Variants in NPAS3 observed in about 807,000 individuals in gnomAD.
The protein encoded by NPAS3 is neuronal PAS domain-containing protein 3.
A neutral mutation model predicts 73.1 loss-of-function variants in NPAS3; 14 were observed. The ratio of observed to expected loss-of-function variants is 0.19; its 90% CI spans 0.13 to 0.30. NPAS3 has a LOEUF of 0.30. Ranked by LOEUF, NPAS3 falls within the 10% of genes least tolerant of loss-of-function variation. The pLI, the probability that NPAS3 is intolerant of heterozygous loss-of-function variation, is 1.00. For synonymous variants in NPAS3, 620 were observed against 541.5 expected (o/e 1.14, Z -2.01); for missense variants, 1,096 against 1,250.0 (o/e 0.88, Z 1.86).
chr14:33,549,599 A>G (rs891607776), intron 4 of NPAS3, among the ~76,000 whole-genome samples: 3 of 152,284 alleles, frequency 2.0e-5, no homozygotes, highest in East Asian at 3.9e-4. Flanking sequence ...ATGTGAGTCT[A>G]TTATCTTTTG....
chr14:32,966,238 A>G (rs2037152842), intron 1 of NPAS3, among the ~76,000 whole-genome samples: 1 of 152,200 alleles, frequency 6.6e-6, no homozygotes. Flanking sequence ...GTCCCTGAAT[A>G]GCTAAAGAAT....
chr14:33,427,993 G>GT (rs1416422388), intron 4 of NPAS3, among the ~76,000 whole-genome samples: 3 of 152,214 alleles, frequency 2.0e-5, no homozygotes, highest in Admixed American at 1.3e-4. Context: ...CAGTTTGGGT[G>GT]TTTTGTTATA....
chr14:32,971,088 CTT>C (rs61429455), intron 1 of NPAS3, among the ~76,000 whole-genome samples: 8 of 142,104 alleles, frequency 5.6e-5, no homozygotes, highest in East Asian at 2.0e-4. Flanking sequence ...TTTCTTTTTT[CTT>C]TTTTTTTTTT....
intron 2 of NPAS3, among the ~76,000 whole-genome samples, chr14:33,120,234 C>G (rs992966748): frequency 6.6e-6 from 1 of 152,144 alleles, no homozygotes; most frequent in African/African-American, 2.4e-5. Context: ...GCTGGGATTA[C>G]AGGCATGAGC....
At chr14:33,521,734 A>G (rs753354054) in intron 4 of NPAS3, among the ~76,000 whole-genome samples, 2 of 152,088 alleles carry the variant, frequency 1.3e-5, no homozygotes, top group Non-Finnish European at 2.9e-5. Flanking sequence ...TTGTATTTCT[A>G]TAAGGGTATT....
At chr14:33,110,679 T>C (rs997381270) in intron 2 of NPAS3, among the ~76,000 whole-genome samples, 4 of 152,190 alleles carry the variant, frequency 2.6e-5, no homozygotes, top group African/African-American at 9.6e-5. Flanking sequence ...AACTTTTTAA[T>C]ACTATTCAGC....
intron 3 of NPAS3, among the ~76,000 whole-genome samples, chr14:33,255,821 G>T (rs1566729447): frequency 6.6e-6 from 1 of 152,120 alleles, no homozygotes; most frequent in Admixed American, 6.5e-5. Flanking sequence ...GAGGATTGAT[G>T]GTCGACCGAT....
chr14:33,019,954 T>C (rs2039535784), intron 1 of NPAS3, among the ~76,000 whole-genome samples: 1 of 152,238 alleles, frequency 6.6e-6, no homozygotes, highest in African/African-American at 2.4e-5. Context: ...TGAGTCTCTT[T>C]TCCATCCGAT....
chr14:33,255,828 C>T (rs192395743), intron 3 of NPAS3, among the ~76,000 whole-genome samples: 54 of 152,110 alleles, frequency 3.6e-4, no homozygotes, highest in African/African-American at 9.2e-4. Context: ...GATGGTCGAC[C>T]GATTAACACA....
chr14:33,725,480 C>T (rs757000824), intron 6 of NPAS3, among the ~76,000 whole-genome samples: 1 of 151,888 alleles, frequency 6.6e-6, no homozygotes, highest in Non-Finnish European at 1.5e-5. Context: ...TTAAATTTTC[C>T]TATTTATACT....
chr14:33,015,462 T>C (rs542286499), intron 1 of NPAS3, among the ~76,000 whole-genome samples: 1 of 152,330 alleles, frequency 6.6e-6, no homozygotes, highest in East Asian at 1.9e-4. Context: ...ATTAATACTG[T>C]CAGATATCTG....
intron 3 of NPAS3, among the ~76,000 whole-genome samples, chr14:33,279,727 G>A (rs1375549655): frequency 6.6e-6 from 1 of 152,116 alleles, no homozygotes; most frequent in Non-Finnish European, 1.5e-5. Context: ...ACATTGGGGG[G>A]AAGGAACAGT....
intron 1 of NPAS3, among the ~76,000 whole-genome samples, chr14:32,944,374 A>G (rs988331617): frequency 2.6e-5 from 4 of 152,212 alleles, no homozygotes; most frequent in African/African-American, 7.2e-5. Context: ...AACTTAGTAA[A>G]TAAGTTAGTA....
chr14:33,368,002 G>A (rs896726821), intron 4 of NPAS3, among the ~76,000 whole-genome samples: 1 of 152,034 alleles, frequency 6.6e-6, no homozygotes, highest in Non-Finnish European at 1.5e-5. Context: ...CACTGGTCCT[G>A]CTCCCAGGAT....
chr14:33,607,851 T>C (rs2057625375), intron 5 of NPAS3, among the ~76,000 whole-genome samples: 1 of 152,160 alleles, frequency 6.6e-6, no homozygotes. Context: ...AAACACGTCC[T>C]TCACGTGGCA....
At chr14:32,995,306 G>C (rs950741507) in intron 1 of NPAS3, among the ~76,000 whole-genome samples, 6 of 152,144 alleles carry the variant, frequency 3.9e-5, no homozygotes, top group Non-Finnish European at 8.8e-5. Context: ...CAGAAGCCTG[G>C]GAATCGTGTT....
At chr14:33,672,701 G>GAA (rs3059410) in intron 5 of NPAS3, among the ~76,000 whole-genome samples, 1 of 145,110 alleles carries the variant, frequency 6.9e-6, no homozygotes, top group Non-Finnish European at 1.5e-5. Context: ...CCATAAGAGA[G>GAA]AAAAAAAAAA....
intron 4 of NPAS3, among the ~76,000 whole-genome samples, chr14:33,466,026 G>A (rs1302516179): frequency 2.6e-5 from 4 of 152,202 alleles, no homozygotes; most frequent in African/African-American, 4.8e-5. Flanking sequence ...CATAGCAGAT[G>A]GGGAGGCAGG....
chr14:33,264,247 G>T (rs2049085654), intron 3 of NPAS3, among the ~76,000 whole-genome samples: 1 of 151,158 alleles, frequency 6.6e-6, no homozygotes, highest in African/African-American at 2.4e-5. Context: ...ACAGGAAGGG[G>T]AACATCACAC....
Sources: allele counts gnomAD v4.1 joint callset (sites outside exome capture counted in the v4.1 genomes callset), GRCh38; gene constraint gnomAD v4.1.1; transcripts MANE v1.5; gene names NCBI Gene and HGNC (gene_info 2026-07-23, HGNC 2026-07-21).